KIAA1549: variants seen among roughly 807,000 people sequenced by gnomAD.
KIAA1549 encodes the protein KIAA1549.
KIAA1549 carries 70 observed loss-of-function variants against 156.4 expected under a neutral mutation model. The observed-to-expected ratio is 0.45, with a 90% CI of 0.37 to 0.55. The LOEUF is 0.55. Among genes scored for constraint, KIAA1549 ranks in the 20% least tolerant of loss-of-function variants. KIAA1549 has a pLI of 0.00. For missense variants in KIAA1549, 2,428 were observed against 2,540.9 expected (o/e 0.96, Z 0.96); for synonymous variants, 1,103 against 1,066.4 (o/e 1.03, Z -0.67).
In KIAA1549 at chr7:138,831,502, A is replaced by G; in HGVS notation, c.*6404T>C. The stretch of plus-strand genomic sequence containing the variant: ...TATTTCAAAAACTCTACAGCACATT[A>G]GAAAACAGTGCAGCTATTGAAGGAT... On this transcript the variant is annotated 3_prime_UTR_variant, in exon 20 of 20. Coordinates refer to ENST00000422774, the MANE Select transcript of KIAA1549 (RefSeq NM_001164665.2). 4.6e-6 allele frequency: 1 copy of G among 217,542 alleles called. No homozygotes were observed. 13.5% of individuals were successfully genotyped at this position (217,542 alleles called of 1,614,324 possible).
chr7:138,936,376 A>G (rs17160626), intron 1 of KIAA1549, among the ~76,000 whole-genome samples: 43,722 of 151,916 alleles, frequency 0.29, 7,941 homozygotes, highest in African/African-American at 0.52. Context: ...TCCTGCCAGC[A>G]CTGTGGACCC....
chr7:138,908,592 C>T (rs1584747386), intron 5 of KIAA1549, among the ~76,000 whole-genome samples: 2 of 152,260 alleles, frequency 1.3e-5, no homozygotes, highest in East Asian at 3.9e-4. Context: ...GGAAAAAAAT[C>T]AAAGAAACAT....
intron 1 of KIAA1549, among the ~76,000 whole-genome samples, chr7:138,968,899 T>C (rs1302655784): frequency 6.7e-6 from 1 of 150,064 alleles, no homozygotes; most frequent in Non-Finnish European, 1.5e-5. Flanking sequence ...GCTCCAATAA[T>C]ATTTTCTTCT....
chr7:138,852,266 A>G lies in KIAA1549; in HGVS notation c.5251T>C (p.Tyr1751His). Residue 1751 changes from tyrosine to histidine, a missense_variant, in exon 17 of 20, where the codon TAC becomes CAC. Tyr to His is a moderately conservative substitution (Grantham distance 83). Around this residue, in one of 5 missense-constraint regions of KIAA1549, gnomAD observed 363 missense variants for 354.0 expected, o/e 1.03. Transcript: ENST00000422774. The part of the protein sequence containing the change: ...AQTANNPCSR[Y>H]EDYGMTPPTG... The stretch of plus-strand genomic sequence containing the variant: ...GGGGGAGTCATTCCATAGTCTTCGT[A>G]TCTCTGGAAGACATACAAAAGAACA... 1 of 1,605,012 alleles carries G rather than the reference A, an allele frequency of 6.2e-7. No individual in the cohort carries two copies. Among genetic ancestry groups the G allele is most frequent in the African/African-American group, 1.3e-5 (1 of 74,822 alleles).
At chr7:138,922,794 A>G (rs1022343580) in intron 1 of KIAA1549, among the ~76,000 whole-genome samples, 2 of 152,094 alleles carry the variant, frequency 1.3e-5, no homozygotes, top group African/African-American at 2.4e-5. Flanking sequence ...AGAAGACAGA[A>G]TAAGACAGTC....
intron 1 of KIAA1549, among the ~76,000 whole-genome samples, chr7:138,973,113 C>T (rs1342083034): frequency 6.6e-6 from 1 of 152,180 alleles, no homozygotes; most frequent in Admixed American, 6.5e-5. Context: ...TGAGCCACCG[C>T]GCCCAGCCCA....
At chr7:138,893,973 G>C in intron 10 of KIAA1549, among the ~76,000 whole-genome samples, 1 of 152,222 alleles carries the variant, frequency 6.6e-6, no homozygotes, top group South Asian at 2.1e-4. Context: ...CGGAGACCGA[G>C]GCAGGAGAAT....
chr7:138,961,549 A>G (rs376084580), intron 1 of KIAA1549, among the ~76,000 whole-genome samples: 2 of 152,284 alleles, frequency 1.3e-5, no homozygotes, highest in East Asian at 3.9e-4. Flanking sequence ...GGCCCACTCA[A>G]CAATCCTTTC....
At chr7:138,875,080 T>A (rs10954635) in intron 12 of KIAA1549, among the ~76,000 whole-genome samples, 2 of 152,044 alleles carry the variant, frequency 1.3e-5, no homozygotes, top group African/African-American at 4.8e-5. Flanking sequence ...TAATAATTTA[T>A]TGCATATTTT....
chr7:138,953,318 T>C (rs796573637), intron 1 of KIAA1549, among the ~76,000 whole-genome samples: 80 of 152,276 alleles, frequency 5.3e-4, no homozygotes, highest in African/African-American at 1.8e-3. Flanking sequence ...ATCAGGCCAC[T>C]GCATTTCGGC....
chr7:138,977,649 CAAGAA>C (rs1267941442), intron 1 of KIAA1549, among the ~76,000 whole-genome samples: 1 of 144,276 alleles, frequency 6.9e-6, no homozygotes, highest in Non-Finnish European at 1.5e-5. Flanking sequence ...AATGTATACT[CAAGAA>C]AACACACACA....
chr7:138,897,242 TGGA>T (rs1466923516), intron 9 of KIAA1549, among the ~76,000 whole-genome samples: 1 of 152,246 alleles, frequency 6.6e-6, no homozygotes. Flanking sequence ...CTCACTGCTT[TGGA>T]GGAGAACACA....
Position 138,859,084 on chromosome 7 carries a change from G to A in KIAA1549, c.5247+2055C>T, listed in dbSNP as rs10259094. On this transcript the variant is annotated intron_variant, in intron 16 of 19. Transcript: ENST00000422774. ...AAACTGATTTTCTCATAATTTTCTC[G>A]TAGTTATGGAGGCTGGAAAGTCTTA... Among the ~76,000 whole-genome samples the A allele has an allele frequency of 7.9e-3, 1,195 of 150,728 alleles. 13 individuals carry two copies. The highest frequency in any genetic ancestry group is 0.027 in the African/African-American group (1,121 of 41,130).
intron 1 of KIAA1549, among the ~76,000 whole-genome samples, chr7:138,923,008 A>C (rs1812606470): frequency 6.6e-6 from 1 of 152,214 alleles, no homozygotes; most frequent in Admixed American, 6.5e-5. Flanking sequence ...CATAGACCAA[A>C]GACAAAGAGA....
At chr7:138,945,735 C>T (rs769641412) in intron 1 of KIAA1549, among the ~76,000 whole-genome samples, 7 of 152,234 alleles carry the variant, frequency 4.6e-5, no homozygotes, top group African/African-American at 7.2e-5. Context: ...TCCTTTAACA[C>T]AGACCACTTT....
intron 8 of KIAA1549, among the ~76,000 whole-genome samples, chr7:138,899,994 GCTT>G: frequency 6.6e-6 from 1 of 152,276 alleles, no homozygotes; most frequent in Admixed American, 6.5e-5. Context: ...AAAACTCTGA[GCTT>G]CTGTCCTGAG....
Position 138,917,399 on chromosome 7 carries a change from G to T in KIAA1549, c.2227C>A (p.His743Asn), listed in dbSNP as rs1192098829. 4 of 1,613,858 alleles carry T rather than the reference G, an allele frequency of 2.5e-6. No homozygotes were observed. The highest frequency in any genetic ancestry group is 3.4e-6 in the Non-Finnish European group (4 of 1,179,860). Residue 743 changes from histidine to asparagine, a missense_variant, in exon 2 of 20, where the codon CAT becomes AAT. This residue lies in a region of KIAA1549 where 762 missense variants were observed against 901.6 expected (regional missense o/e 0.85). Coordinates refer to ENST00000422774, the MANE Select transcript of KIAA1549 (RefSeq NM_001164665.2). The stretch of plus-strand genomic sequence containing the variant: ...GTTTCAATGAAAGCTGAGGTAAAAT[G>T]AGCTTCTGAATCCGTCAGTGAAACC... ...STVSLTDSEA[H>N]FTSAFIETTS... is the part of the protein sequence containing the mutation.
chr7:138,888,877 T>C (rs1374589530), intron 10 of KIAA1549, among the ~76,000 whole-genome samples: 3 of 152,228 alleles, frequency 2.0e-5, no homozygotes, highest in Admixed American at 6.5e-5. Context: ...CTTTTTCAGA[T>C]GCCTGAGAAA....
At chr7:138,978,099 A>G (rs1449892299) in intron 1 of KIAA1549, among the ~76,000 whole-genome samples, 1 of 152,254 alleles carries the variant, frequency 6.6e-6, no homozygotes, top group Non-Finnish European at 1.5e-5. Context: ...ATAGTTTTCA[A>G]ATAAGACTTA....
Sources: gnomAD v4.1 joint callset for allele counts (sites outside exome capture counted in the v4.1 genomes callset) on GRCh38, gnomAD v4.1.1 for gene constraint, gnomAD v4.1.1 regional missense constraint, MANE v1.5 for transcripts, NCBI Gene and HGNC (gene_info 2026-07-23, HGNC 2026-07-21) for gene names.